WDR37: variants seen among roughly 807,000 people sequenced by gnomAD.
The protein encoded by WDR37 is WD repeat-containing protein 37.
Under a neutral mutation model 62.9 loss-of-function variants are expected in WDR37, and 19 were observed. The observed-to-expected ratio is 0.30, with a 90% confidence interval of 0.21 to 0.44. The LOEUF (loss-of-function observed/expected upper bound fraction) is 0.44, where lower values mean the gene tolerates loss of function less well. Among genes scored for constraint, WDR37 ranks in the 20% least tolerant of loss-of-function variants. The pLI is 1.00. For synonymous variants in WDR37, 250 were observed against 260.9 expected (o/e 0.96, Z 0.40); for missense variants, 474 against 657.6 (o/e 0.72, Z 3.05).
intron 9 of WDR37, among the ~76,000 whole-genome samples, chr10:1,100,277 G>A (rs912065295): frequency 1.5e-5 from 2 of 135,398 alleles, no homozygotes; most frequent in Non-Finnish European, 3.4e-5. Flanking sequence ...GACTTGAGCT[G>A]TCCTGGGAGC....
Position 1,089,292 on chromosome 10 carries a change from G to A in WDR37, c.604+2935G>A, listed in dbSNP as rs577257005. 9.9e-5 allele frequency among the ~76,000 whole-genome samples: 15 copies of A among 152,162 alleles called. No individual in the cohort carries two copies. In the South Asian group the frequency reaches 2.9e-3, roughly 29 times the overall value. On this transcript the variant is annotated intron_variant, in intron 7 of 13. Coordinates refer to ENST00000263150, the MANE Select transcript of WDR37 (RefSeq NM_014023.4). ...CTCAGTTCCTGTCACGGCCGCTCAC[G>A]TCTGGACTGCACCCTCGCTCCGGCT...
chr10:1,074,033 C>T (rs950472281), intron 2 of WDR37, among the ~76,000 whole-genome samples: 1 of 152,216 alleles, frequency 6.6e-6, no homozygotes, highest in Non-Finnish European at 1.5e-5. Flanking sequence ...GATGTGGGAA[C>T]CACCAGTCAC....
chr10:1,077,627 AGGCT>A (rs1303627469), intron 2 of WDR37, among the ~76,000 whole-genome samples: 13 of 152,160 alleles, frequency 8.5e-5, no homozygotes, highest in Non-Finnish European at 1.5e-4. Flanking sequence ...AAAATAAGGT[AGGCT>A]TATGTCCTCT....
At chr10:1,089,798 C>T (rs1044691668) in intron 7 of WDR37, among the ~76,000 whole-genome samples, 35 of 152,216 alleles carry the variant, frequency 2.3e-4, no homozygotes, top group Non-Finnish European at 1.5e-5. Context: ...CTTCGCTCAT[C>T]GTCTCTTTAG....
chr10:1,105,910 C>T lies in WDR37; in HGVS notation c.1103+643C>T, dbSNP rs542077119. Among the ~76,000 whole-genome samples the T allele has an allele frequency of 2.0e-5, 3 of 152,042 alleles. No homozygotes were observed. The highest frequency in any genetic ancestry group is 2.4e-5 in the African/African-American group (1 of 41,388). ...ACGCCATTCTCCTGCCTCAGCCTCC[C>T]GAGTAGCTGGGACTAGAGGCACCTG... On this transcript the variant is annotated intron_variant, in intron 11 of 13. Transcript: ENST00000263150. The surrounding 1 kb of genome is among the most constrained non-coding windows in gnomAD (Gnocchi z 5.3).
At chr10:1,128,745 T>C (rs985603063) in intron 13 of WDR37, among the ~76,000 whole-genome samples, 6 of 152,250 alleles carry the variant, frequency 3.9e-5, no homozygotes, top group Non-Finnish European at 7.3e-5. Context: ...ACCCTCGTGC[T>C]CACTGGTGTC....
At position 1,131,252 on chromosome 10, in the gene WDR37, G is replaced by A. The variant is rs569078930; in HGVS notation, c.*1908G>A. On this transcript the variant is annotated 3_prime_UTR_variant, in exon 14 of 14. Transcript: ENST00000263150. Reference sequence around the variant, plus strand: ...TGCACATACAAAGGTCTGAGCCCAGGGCAGCTTCTGGGGCCACTGCACAGG... The same window carrying A: ...TGCACATACAAAGGTCTGAGCCCAGAGCAGCTTCTGGGGCCACTGCACAGG... 3 of 152,362 alleles carry A rather than the reference G, an allele frequency of 2.0e-5. No individual in the cohort carries two copies. The East Asian group carries it at 5.8e-4, about 29-fold the overall frequency. The allele number at this position is 152,362 out of a possible 1,614,324, so 9.4% of individuals were successfully genotyped here.
At chr10:1,109,808 G>A (rs1041634411) in intron 11 of WDR37, among the ~76,000 whole-genome samples, 12 of 152,240 alleles carry the variant, frequency 7.9e-5, no homozygotes, top group African/African-American at 2.4e-4. Context: ...CTGTACTTAT[G>A]AAGAATGTAG....
rs773104183 is a variant in WDR37, at chr10:1,105,607, G to A, written c.1103+340G>A. On this transcript the variant is annotated intron_variant, in intron 11 of 13. Transcript: ENST00000263150. The surrounding 1 kb of genome is among the most constrained non-coding windows in gnomAD (Gnocchi z 5.3). ...CGGCCACGCCACCATAGGAGCCGCG[G>A]GAGCTGTTACTCCTACCCACGGGGT... Among the ~76,000 whole-genome samples the A allele has an allele frequency of 1.1e-4, 16 of 152,130 alleles. No individual in the cohort carries two copies. The highest frequency in any genetic ancestry group is 2.2e-4 in the Non-Finnish European group (15 of 68,030).
At chr10:1,089,745 C>T (rs544872822) in intron 7 of WDR37, among the ~76,000 whole-genome samples, 13 of 152,266 alleles carry the variant, frequency 8.5e-5, no homozygotes, top group Admixed American at 5.9e-4. Context: ...ACTCACTCAC[C>T]GTCACCATCT....
At chr10:1,114,049 C>T (rs897826466) in intron 11 of WDR37, among the ~76,000 whole-genome samples, 4 of 150,792 alleles carry the variant, frequency 2.7e-5, no homozygotes, top group African/African-American at 9.8e-5. Context: ...CTCCGCCTCC[C>T]AGGTTCAAAC....
chr10:1,093,882 C>G (rs1834481896), intron 8 of WDR37, among the ~76,000 whole-genome samples: 1 of 152,198 alleles, frequency 6.6e-6, no homozygotes, highest in South Asian at 2.1e-4. Context: ...AGCACAGAGA[C>G]ACAGCAAGTT....
chr10:1,102,224 C>G (rs930623993), intron 9 of WDR37, among the ~76,000 whole-genome samples: 2 of 145,410 alleles, frequency 1.4e-5, no homozygotes, highest in African/African-American at 5.2e-5. Flanking sequence ...GCTGTGCGTC[C>G]CTGCGACGTG....
chr10:1,062,471 G>C (rs1456048347), intron 1 of WDR37, among the ~76,000 whole-genome samples: 1 of 152,208 alleles, frequency 6.6e-6, no homozygotes, highest in Non-Finnish European at 1.5e-5. Flanking sequence ...TTAAGAGAGG[G>C]AAGGGAAACC....
chr10:1,059,800 A>T (rs1189554362), intron 1 of WDR37, among the ~76,000 whole-genome samples: 1 of 152,156 alleles, frequency 6.6e-6, no homozygotes, highest in Non-Finnish European at 1.5e-5. Context: ...CTGTCTCAAA[A>T]AATATATATA....
chr10:1,084,186 G>A (rs1438064011), intron 5 of WDR37, among the ~76,000 whole-genome samples: 2 of 152,158 alleles, frequency 1.3e-5, no homozygotes, highest in East Asian at 1.9e-4. Flanking sequence ...ACAGGTCGCC[G>A]CGAGAGCTGC....
intron 8 of WDR37, 33 bp from the exon 9 acceptor site, chr10:1,096,137 C>T (rs1351387392): frequency 5.6e-6 from 9 of 1,610,246 alleles, no homozygotes; most frequent in Non-Finnish European, 7.6e-6. Flanking sequence ...ATGGTCTGTG[C>T]CTTGGGTAAT....
chr10:1,079,921 G>A, intron 3 of WDR37, 90 bp from the exon 4 acceptor site: 1 of 974,452 alleles, frequency 1.0e-6, no homozygotes, highest in South Asian at 1.5e-5. Context: ...CTAATATATA[G>A]CATTTTTTCT....
At chr10:1,077,425 C>T (rs55758242) in intron 2 of WDR37, among the ~76,000 whole-genome samples, 10 of 151,952 alleles carry the variant, frequency 6.6e-5, no homozygotes, top group South Asian at 2.1e-4. Flanking sequence ...GGTGTTATGT[C>T]GAGTGATGGG....
Sources: allele counts gnomAD v4.1 joint callset (sites outside exome capture counted in the v4.1 genomes callset), GRCh38; gene constraint gnomAD v4.1.1; non-coding constraint Gnocchi (gnomAD v3.1); transcripts MANE v1.5; gene names NCBI Gene and HGNC (gene_info 2026-07-23, HGNC 2026-07-21).